Variants in ZNF395 observed in about 807,000 individuals in gnomAD.
ZNF395 encodes zinc finger protein 395, also known as HD gene regulatory region-binding protein 2.
In ZNF395, 20 loss-of-function variants were observed where a neutral mutation model predicts 57.7. The observed-to-expected ratio is 0.35, with a 90% CI of 0.24 to 0.50. The LOEUF (loss-of-function observed/expected upper bound fraction) is 0.50, where lower values mean the gene tolerates loss of function less well. Ranked by LOEUF, ZNF395 falls within the 20% of genes least tolerant of loss-of-function variation. The probability of loss-of-function intolerance (pLI) is 0.97; values close to 1 mark genes in which losing one functional copy is unlikely to be tolerated. For synonymous variants in ZNF395, 295 were observed against 275.9 expected, an observed-to-expected ratio of 1.07 and a Z score of -0.69; for missense variants, 606 against 671.2, an observed-to-expected ratio of 0.90 and a Z score of 1.07.
At chr8:28,370,556 GA>G (rs1473058728) in intron 1 of ZNF395, among the ~76,000 whole-genome samples, 2 of 152,232 alleles carry the variant, frequency 1.3e-5, no homozygotes, top group Admixed American at 6.5e-5. Flanking sequence ...AGCTTTTCTT[GA>G]AATGGATGGG....
At chr8:28,379,382 G>C (rs1802082595) in intron 1 of ZNF395, among the ~76,000 whole-genome samples, 1 of 152,090 alleles carries the variant, frequency 6.6e-6, no homozygotes, top group African/African-American at 2.4e-5. Context: ...CCATATCTTA[G>C]AGCTAAGCTC....
At chr8:28,377,656 AT>A (rs1328324747) in intron 1 of ZNF395, among the ~76,000 whole-genome samples, 2 of 151,136 alleles carry the variant, frequency 1.3e-5, no homozygotes, top group East Asian at 3.9e-4. Flanking sequence ...GTCACTCCAC[AT>A]TCTCCACGGC....
intron 1 of ZNF395, among the ~76,000 whole-genome samples, chr8:28,375,669 C>G (rs963248994): frequency 6.6e-6 from 1 of 152,166 alleles, no homozygotes; most frequent in South Asian, 2.1e-4. Flanking sequence ...CCGGCTGCAG[C>G]AGAACTCTGA....
intron 3 of ZNF395, among the ~76,000 whole-genome samples, chr8:28,357,692 T>C (rs754948775): frequency 1.1e-4 from 16 of 152,232 alleles, no homozygotes; most frequent in Non-Finnish European, 2.2e-4. Flanking sequence ...GAATTTTCAT[T>C]TCCATAGAAC....
Position 28,356,549 on chromosome 8 carries a change from G to C in ZNF395, c.583+121C>G. ...TGCAGCCGGTCAGAGGTGCCAGTGGGAGGTGTCCCTGGACATTCTATTGCC... is the reference window on the plus strand; with the variant it reads ...TGCAGCCGGTCAGAGGTGCCAGTGGCAGGTGTCCCTGGACATTCTATTGCC... On this transcript the variant is annotated intron_variant, in intron 4 of 9. Transcript: ENST00000344423. This position sits in a 1 kb window ranked among gnomAD's most constrained non-coding sequence, Gnocchi z 4.0. The C allele has an allele frequency of 1.5e-6, 1 of 655,808 alleles. No homozygotes were observed. Among genetic ancestry groups the C allele is most frequent in the South Asian group, 2.0e-5 (1 of 50,642 alleles). 40.6% of individuals were successfully genotyped at this position (655,808 alleles called of 1,614,324 possible).
intron 3 of ZNF395, among the ~76,000 whole-genome samples, chr8:28,357,876 C>A (rs183125788): frequency 6.6e-6 from 1 of 152,044 alleles, no homozygotes; most frequent in African/African-American, 2.4e-5. Flanking sequence ...CAATTTCAGT[C>A]GACAGATTTT....
In ZNF395 at chr8:28,351,563, G is replaced by A; in HGVS notation, c.1165C>T (p.Pro389Ser). 6.2e-7 allele frequency: 1 copy of A among 1,613,912 alleles called. No homozygotes were observed. Among genetic ancestry groups the A allele is most frequent in the Non-Finnish European group, 8.5e-7 (1 of 1,180,010 alleles). Residue 389 changes from proline (P) to serine (S), a missense_variant, in exon 7 of 10, where the codon CCC becomes TCC. Physicochemically the swap from Pro to Ser is moderately conservative, Grantham distance 74. Transcript: ENST00000344423. ...GCTGACTTGCTGAGAGCCCCTGAGG[G>A]CAGGGAGGACTCCGGGCCAGGATGT... is the stretch of plus-strand genomic sequence containing the variant. ...PEHPGPESSL[P>S]SGALSKSAPG...
At chr8:28,385,446 G>C (rs1457147046) in intron 1 of ZNF395, 1 of 149,732 alleles carries the variant, frequency 6.7e-6, no homozygotes, top group Non-Finnish European at 1.5e-5. Context: ...GCCACCGCCG[G>C]GGAGGGCCAG....
At chr8:28,363,363 C>T (rs2129964934) in intron 1 of ZNF395, among the ~76,000 whole-genome samples, 1 of 152,152 alleles carries the variant, frequency 6.6e-6, no homozygotes, top group African/African-American at 2.4e-5. Flanking sequence ...AACTCCTGAG[C>T]TCAGGCCATC....
intron 1 of ZNF395, among the ~76,000 whole-genome samples, chr8:28,382,102 C>T (rs1384503464): frequency 1.3e-5 from 2 of 152,074 alleles, no homozygotes; most frequent in African/African-American, 4.8e-5. Context: ...AAGCAAAACG[C>T]CTACAGGACT....
intron 2 of ZNF395, 56 bp downstream of exon 2, chr8:28,360,828 GC>G: frequency 1.3e-6 from 2 of 1,590,912 alleles, no homozygotes; most frequent in Non-Finnish European, 1.7e-6. Flanking sequence ...GGGCACCCCA[GC>G]CCCCTACCCC....
At chr8:28,353,665 A>T (rs1375377432) in intron 4 of ZNF395, among the ~76,000 whole-genome samples, 3 of 151,544 alleles carry the variant, frequency 2.0e-5, no homozygotes, top group South Asian at 2.1e-4. Context: ...TTAAACAAAA[A>T]TTTTTTTTTA....
chr8:28,371,239 C>T (rs1008557881), intron 1 of ZNF395, among the ~76,000 whole-genome samples: 1 of 152,170 alleles, frequency 6.6e-6, no homozygotes, highest in African/African-American at 2.4e-5. Flanking sequence ...GGAGTGCAGT[C>T]GCACGATCAC....
rs76999715 is a variant in ZNF395, at chr8:28,347,507, C to T, written c.*1212G>A. The T allele has an allele frequency of 0.017, 2,603 of 152,410 alleles. 82 individuals carry two copies. Among genetic ancestry groups the T allele is most frequent in the African/African-American group, 0.06 (2,494 of 41,528 alleles). The allele number at this position is 152,410 out of a possible 1,614,324, so 9.4% of individuals were successfully genotyped here. A position where few individuals can be genotyped will look rare whatever the true frequency, so the allele number is the denominator to read the frequency against. ...TCTCCCCAAGAACAGCTCTGCTTAT[C>T]GACATGCACGCAGCCCAGGCTCCCC... On this transcript the variant is annotated 3_prime_UTR_variant, in exon 10 of 10. Transcript: ENST00000344423.
At chr8:28,379,309 G>A (rs1802081859) in intron 1 of ZNF395, among the ~76,000 whole-genome samples, 1 of 152,138 alleles carries the variant, frequency 6.6e-6, no homozygotes, top group African/African-American at 2.4e-5. Context: ...ATTAAGACTA[G>A]ATCTTATGAT....
At chr8:28,369,137 A>ATT (rs571228550) in intron 1 of ZNF395, among the ~76,000 whole-genome samples, 53 of 136,732 alleles carry the variant, frequency 3.9e-4, no homozygotes, top group Admixed American at 8.1e-4. Context: ...TGCCTGGCCA[A>ATT]TTTTTTTTTT....
intron 1 of ZNF395, among the ~76,000 whole-genome samples, chr8:28,361,717 C>T (rs1801851749): frequency 6.6e-6 from 1 of 152,112 alleles, no homozygotes; most frequent in Non-Finnish European, 1.5e-5. Flanking sequence ...CAATATTGCT[C>T]GGTCAAAGCC....
chr8:28,385,805 C>G (rs1802171415), intron 1 of ZNF395, among the ~76,000 whole-genome samples: 1 of 147,886 alleles, frequency 6.8e-6, no homozygotes, highest in South Asian at 2.1e-4. Flanking sequence ...AACAAGGCGA[C>G]GCGCGGGAGC....
At chr8:28,358,134 GTTTT>G (rs958196652) in intron 3 of ZNF395, among the ~76,000 whole-genome samples, 6 of 141,568 alleles carry the variant, frequency 4.2e-5, no homozygotes, top group African/African-American at 5.2e-5. Context: ...TGTTTTGTGG[GTTTT>G]TTTCTTTTTT....
Sources: allele counts gnomAD v4.1 joint callset (sites outside exome capture counted in the v4.1 genomes callset), GRCh38; gene constraint gnomAD v4.1.1; non-coding constraint Gnocchi (gnomAD v3.1); transcripts MANE v1.5; gene names NCBI Gene and HGNC (gene_info 2026-07-23, HGNC 2026-07-21).